Variants in PRKCA observed in about 807,000 individuals in gnomAD.
The protein encoded by PRKCA is protein kinase C alpha type.
A neutral mutation model predicts 87.0 loss-of-function variants in PRKCA; 27 were observed. The observed-to-expected ratio is 0.31, with a 90% CI of 0.23 to 0.43. The LOEUF (loss-of-function observed/expected upper bound fraction) is 0.43. Ranked by LOEUF, PRKCA falls within the 20% of genes least tolerant of loss-of-function variation. The probability of loss-of-function intolerance (pLI) is 1.00; values close to 1 mark genes in which losing one functional copy is unlikely to be tolerated. For synonymous variants in PRKCA, 329 were observed against 311.1 expected (o/e 1.06, Z -0.61); for missense variants, 518 against 852.3 (o/e 0.61, Z 4.88).
intron 3 of PRKCA, among the ~76,000 whole-genome samples, chr17:66,520,578 C>T (rs1430837885): frequency 6.6e-6 from 1 of 152,180 alleles, no homozygotes; most frequent in Non-Finnish European, 1.5e-5. Context: ...ACTTTGAATG[C>T]ACAGTTTGTA....
chr17:66,703,788 C>T (rs1444900848), intron 8 of PRKCA: 1 of 123,694 alleles, frequency 8.1e-6, no homozygotes, highest in Non-Finnish European at 1.7e-5. Flanking sequence ...GACCGAGACT[C>T]CATCTCAAGA....
chr17:66,711,800 C>A (rs1973336778), intron 8 of PRKCA, among the ~76,000 whole-genome samples: 1 of 152,148 alleles, frequency 6.6e-6, no homozygotes, highest in African/African-American at 2.4e-5. Context: ...AAGACAGCAT[C>A]TAATAAATAA....
chr17:66,305,598 C>T (rs1415338090), intron 1 of PRKCA, among the ~76,000 whole-genome samples: 1 of 152,172 alleles, frequency 6.6e-6, no homozygotes, highest in Non-Finnish European at 1.5e-5. Flanking sequence ...CTTAAGCCAA[C>T]ATTAAATGTT....
intron 3 of PRKCA, among the ~76,000 whole-genome samples, chr17:66,543,862 CAGT>C (rs1242857096): frequency 6.6e-6 from 1 of 152,136 alleles, no homozygotes; most frequent in Non-Finnish European, 1.5e-5. Flanking sequence ...GATGGTAAAA[CAGT>C]AGACTCAGTG....
At chr17:66,498,262 A>G (rs528519999) in intron 3 of PRKCA, among the ~76,000 whole-genome samples, 4 of 152,314 alleles carry the variant, frequency 2.6e-5, no homozygotes, top group South Asian at 4.2e-4. Context: ...AACTTTTCCA[A>G]AAAGCCAAGT....
intron 2 of PRKCA, among the ~76,000 whole-genome samples, chr17:66,340,912 C>T (rs1174343982): frequency 2.0e-5 from 3 of 152,016 alleles, no homozygotes; most frequent in Non-Finnish European, 2.9e-5. Flanking sequence ...TCAAAAGCTG[C>T]GAGTGCCAGG....
intron 16 of PRKCA, among the ~76,000 whole-genome samples, chr17:66,791,982 T>C (rs539981152): frequency 1.3e-5 from 2 of 152,314 alleles, no homozygotes; most frequent in East Asian, 3.9e-4. Flanking sequence ...CAAAGAGAGA[T>C]GTAGCAATGC....
At chr17:66,577,716 C>T (rs182867930) in intron 3 of PRKCA, among the ~76,000 whole-genome samples, 22 of 152,042 alleles carry the variant, frequency 1.4e-4, no homozygotes, top group South Asian at 1.2e-3. Flanking sequence ...TTTTTTATTG[C>T]GTCCATGTAT....
At chr17:66,635,462 C>G (rs1971129136) in intron 3 of PRKCA, among the ~76,000 whole-genome samples, 1 of 152,132 alleles carries the variant, frequency 6.6e-6, no homozygotes, top group Non-Finnish European at 1.5e-5. Flanking sequence ...TCTGCCTGTG[C>G]CTTGAGATGA....
intron 13 of PRKCA, among the ~76,000 whole-genome samples, chr17:66,763,703 G>T (rs1974736092): frequency 1.3e-5 from 2 of 152,288 alleles, no homozygotes; most frequent in South Asian, 4.1e-4. Flanking sequence ...GACAGCTTGG[G>T]AAGAGGCTTT....
At chr17:66,761,309 G>T (rs1974677972) in intron 13 of PRKCA, among the ~76,000 whole-genome samples, 1 of 150,500 alleles carries the variant, frequency 6.6e-6, no homozygotes, top group Non-Finnish European at 1.5e-5. Context: ...GGCAGAGGTT[G>T]CAGTGAGCCA....
In PRKCA at chr17:66,546,355, A is replaced by C. The variant is rs528307903; in HGVS notation, c.288+50072A>C. Among the ~76,000 whole-genome samples, 57 of 152,340 alleles carry C rather than the reference A, an allele frequency of 3.7e-4. 1 individual carries two copies. In the South Asian group the frequency reaches 0.011, roughly 30 times the overall value. ...TTTCTAAGGCTGCCATAACAGATTA[A>C]CATAGAGTGTCTCAAAACAACAGAA... On this transcript the variant is annotated intron_variant, in intron 3 of 16. Transcript: ENST00000413366.
At chr17:66,551,377 G>A (rs946719244) in intron 3 of PRKCA, among the ~76,000 whole-genome samples, 4 of 152,214 alleles carry the variant, frequency 2.6e-5, no homozygotes, top group East Asian at 3.9e-4. Flanking sequence ...CTGGGGCTGC[G>A]GCCATCTCAA....
At chr17:66,602,903 G>T (rs1242509796) in intron 3 of PRKCA, among the ~76,000 whole-genome samples, 1 of 152,144 alleles carries the variant, frequency 6.6e-6, no homozygotes, top group African/African-American at 2.4e-5. Context: ...CTTCCGGGGC[G>T]GTAACCGGGG....
rs184344131 is a variant in PRKCA at position 66,803,692 on chromosome 17, C to T, written c.1855-181C>T. Among the ~76,000 whole-genome samples the T allele has an allele frequency of 1.1e-4, 16 of 152,254 alleles. No homozygotes were observed. The highest frequency in any genetic ancestry group is 7.7e-4 in the East Asian group (4 of 5,162). On this transcript the variant is annotated intron_variant, in intron 16 of 16. Coordinates refer to ENST00000413366, the MANE Select transcript of PRKCA (RefSeq NM_002737.3). This position sits in a 1 kb window ranked among gnomAD's most constrained non-coding sequence, Gnocchi z 4.4. ...TTTCAGGGTTTACAGTTGGGTAACTCGTTGTTGTCTGCTGTGCCTGGCTTT... is the reference window on the plus strand; with the variant it reads ...TTTCAGGGTTTACAGTTGGGTAACTTGTTGTTGTCTGCTGTGCCTGGCTTT...
At chr17:66,742,592 G>A (rs1974181270) in intron 12 of PRKCA, 30 bp from the exon 13 acceptor site, 3 of 1,609,974 alleles carry the variant, frequency 1.9e-6, no homozygotes, top group Non-Finnish European at 2.5e-6. Context: ...GTCATGGGAA[G>A]GACTCTGATG....
At chr17:66,574,966 G>A (rs779623340) in intron 3 of PRKCA, among the ~76,000 whole-genome samples, 3 of 152,092 alleles carry the variant, frequency 2.0e-5, no homozygotes, top group Non-Finnish European at 4.4e-5. Flanking sequence ...TAGCAATCTG[G>A]GCATATGAAA....
intron 3 of PRKCA, among the ~76,000 whole-genome samples, chr17:66,594,726 A>G (rs1446300803): frequency 6.6e-6 from 1 of 152,180 alleles, no homozygotes; most frequent in Non-Finnish European, 1.5e-5. Flanking sequence ...GATGGAACCC[A>G]GCTCCTCTCT....
chr17:66,532,175 ACCTTGAGTC>A (rs1451013329), intron 3 of PRKCA, among the ~76,000 whole-genome samples: 1 of 150,738 alleles, frequency 6.6e-6, no homozygotes, highest in African/African-American at 2.4e-5. Context: ...AAAAAGAACA[ACCTTGAGTC>A]CCTTGAGTCT....
Sources: gnomAD v4.1 joint callset for allele counts (sites outside exome capture counted in the v4.1 genomes callset) on GRCh38, gnomAD v4.1.1 for gene constraint, Gnocchi (gnomAD v3.1) non-coding constraint, MANE v1.5 for transcripts, NCBI Gene and HGNC (gene_info 2026-07-23, HGNC 2026-07-21) for gene names.